DOLPP1: variants seen among roughly 807,000 people sequenced by gnomAD.
The protein encoded by DOLPP1 is dolichyldiphosphatase 1, also known as dolichyl pyrophosphate phosphatase 1.
DOLPP1 carries 15 observed loss-of-function variants against 34.1 expected under a neutral mutation model. The ratio of observed to expected loss-of-function variants is 0.44; its 90% CI spans 0.29 to 0.68. DOLPP1 has a LOEUF of 0.68. Ranked by LOEUF, DOLPP1 falls within the 30% of genes least tolerant of loss-of-function variation. The pLI is 0.12. For missense variants in DOLPP1, 249 were observed against 307.1 expected, an observed-to-expected ratio of 0.81 and a Z score of 1.41; for synonymous variants, 130 against 128.2, an observed-to-expected ratio of 1.01 and a Z score of -0.10.
Position 129,089,125 on chromosome 9 carries a change from A to G in DOLPP1, c.*118A>G. On this transcript the variant is annotated 3_prime_UTR_variant, in exon 8 of 8. Transcript: ENST00000372546. This position sits in a 1 kb window ranked among gnomAD's most constrained non-coding sequence, Gnocchi z 4.9. The stretch of plus-strand genomic sequence containing the variant: ...TCTACAGACCCAAGTCACCAAGTGG[A>G]GCCTTTTTTTTTCTTATTTTAATTT... 2.0e-6 allele frequency: 2 copies of G among 1,006,552 alleles called. No individual in the cohort carries two copies. The highest frequency in any genetic ancestry group is 1.5e-5 in the South Asian group (1 of 68,374). 62.4% of individuals were successfully genotyped at this position (1,006,552 alleles called of 1,614,324 possible).
Position 129,085,019 on chromosome 9 carries a change from G to T in DOLPP1, c.178-4G>T. 1 of 1,561,042 alleles carries T rather than the reference G, an allele frequency of 6.4e-7. No individual in the cohort carries two copies. The highest frequency in any genetic ancestry group is 1.2e-5 in the South Asian group (1 of 81,624). ...CCCAGCTGACCATGCGTCTTCCCCA[G>T]CAGATCTCCTTCCTTGGGGGCCTGG... On this transcript the variant is annotated splice_region_variant and splice_polypyrimidine_tract_variant and intron_variant, in intron 2 of 7. Coordinates refer to ENST00000372546, the MANE Select transcript of DOLPP1 (RefSeq NM_020438.5). The surrounding 1 kb of genome is among the most constrained non-coding windows in gnomAD (Gnocchi z 7.0).
At position 129,082,811 on chromosome 9, in the gene DOLPP1, G is replaced by C. The variant is rs148088314; in HGVS notation, c.76+1604G>C. On this transcript the variant is annotated intron_variant, in intron 1 of 7. Transcript: ENST00000372546. ...AGCCAGGCCCTGTGCTGGGCTTGGG[G>C]GATAGAGTGGGATATAAAGAGACCC... is the stretch of plus-strand genomic sequence containing the variant. Among the ~76,000 whole-genome samples, 112 of 152,290 alleles carry C rather than the reference G, an allele frequency of 7.4e-4. 3 individuals carry two copies. The East Asian group carries it at 0.017, about 23-fold the overall frequency.
intron 7 of DOLPP1, 38 bp from the exon 8 acceptor site, chr9:129,088,933 C>A: frequency 1.9e-6 from 3 of 1,611,454 alleles, no homozygotes; most frequent in Non-Finnish European, 2.5e-6. Flanking sequence ...CACTGAACAC[C>A]AGATGTCTCC....
Position 129,090,274 on chromosome 9 carries a change from C to G in DOLPP1, c.*1267C>G, listed in dbSNP as rs567122874. 21 of 152,700 alleles carry G rather than the reference C, an allele frequency of 1.4e-4. No individual in the cohort carries two copies. The highest frequency in any genetic ancestry group is 7.9e-4 in the Admixed American group (12 of 15,282). 9.5% of individuals were successfully genotyped at this position (152,700 alleles called of 1,614,324 possible). On this transcript the variant is annotated 3_prime_UTR_variant, in exon 8 of 8. Coordinates refer to ENST00000372546, the MANE Select transcript of DOLPP1 (RefSeq NM_020438.5). ...CAAAAGCCATTCCAGATGCCAAGAC[C>G]AGGGGCTTATTTCTAGGGAAGGTAG...
chr9:129,084,342 T>C (rs969452901), intron 1 of DOLPP1, among the ~76,000 whole-genome samples: 1 of 152,228 alleles, frequency 6.6e-6, no homozygotes, highest in African/African-American at 2.4e-5. Flanking sequence ...TTAGTCCTGG[T>C]CCCACCTCCT....
At position 129,081,152 on chromosome 9, in the gene DOLPP1, C is replaced by T; in HGVS notation, c.21C>T (p.Cys7=). The T allele has an allele frequency of 6.2e-7, 1 of 1,609,740 alleles. No individual in the cohort carries two copies. The change falls in exon 1 of 8, where the codon TGC becomes TGT. Residue 7 remains cysteine, a synonymous_variant. Transcript: ENST00000372546. MAADGQ[C]SLPASWRPVT... is the part of the protein sequence containing the mutation. The stretch of plus-strand genomic sequence containing the variant: ...GTAAGATGGCAGCGGACGGACAGTG[C>T]TCGCTCCCCGCTTCATGGCGGCCGG...
intron 2 of DOLPP1, 64 bp downstream of exon 2, chr9:129,084,832 G>A: frequency 2.8e-6 from 3 of 1,064,112 alleles, no homozygotes; most frequent in Non-Finnish European, 4.0e-6. Context: ...GCTTTGGGAA[G>A]CCCGTCCGCC....
At chr9:129,084,986 C>T in intron 2 of DOLPP1, 37 bp from the exon 3 acceptor site, 1 of 1,545,508 alleles carries the variant, frequency 6.5e-7, no homozygotes. Context: ...CCAACAGGTG[C>T]ACAGAGGCCC....
Position 129,085,664 on chromosome 9 carries a change from C to G in DOLPP1, c.461+48C>G, listed in dbSNP as rs7042563. On this transcript the variant is annotated intron_variant, in intron 5 of 7. Coordinates refer to ENST00000372546, the MANE Select transcript of DOLPP1 (RefSeq NM_020438.5). The surrounding 1 kb of genome is among the most constrained non-coding windows in gnomAD (Gnocchi z 7.0). Reference sequence around the variant, plus strand: ...GCCTGCACCCTGCCCATGTGGGGTCCTGCTGGTTCCTGGTCCCTGTCGGAC... The same window carrying G: ...GCCTGCACCCTGCCCATGTGGGGTCGTGCTGGTTCCTGGTCCCTGTCGGAC... The G allele has an allele frequency of 3.4e-6, 5 of 1,486,580 alleles. No individual in the cohort carries two copies. Among genetic ancestry groups the G allele is most frequent in the Non-Finnish European group, 4.6e-6 (5 of 1,083,116 alleles). 92.1% of individuals were successfully genotyped at this position (1,486,580 alleles called of 1,614,324 possible).
intron 1 of DOLPP1, among the ~76,000 whole-genome samples, chr9:129,083,698 T>G (rs999902483): frequency 6.6e-6 from 1 of 152,184 alleles, no homozygotes; most frequent in African/African-American, 2.4e-5. Flanking sequence ...GGGACCAAGC[T>G]GGGTGTCTCA....
rs1017575085 is a variant in DOLPP1 at position 129,090,098 on chromosome 9, C to T, written c.*1091C>T. On this transcript the variant is annotated 3_prime_UTR_variant, in exon 8 of 8. Coordinates refer to ENST00000372546, the MANE Select transcript of DOLPP1 (RefSeq NM_020438.5). ...AAAGGGAGTTGTGGAGAGGAGACGC[C>T]TCCAGACTCTCAGAAGTTTTGAGGA... 1 of 152,618 alleles carries T rather than the reference C, an allele frequency of 6.6e-6. No homozygotes were observed. The highest frequency in any genetic ancestry group is 1.5e-5 in the Non-Finnish European group (1 of 68,034). The allele number at this position is 152,618 out of a possible 1,614,324, so 9.5% of individuals were successfully genotyped here.
In DOLPP1 at chr9:129,083,574, C is replaced by T. The variant is rs993975724; in HGVS notation, c.77-1094C>T. 2.0e-5 allele frequency among the ~76,000 whole-genome samples: 3 copies of T among 152,314 alleles called. No homozygotes were observed. The Middle Eastern group carries it at 0.01, about 518-fold the overall frequency. ...TATGTCTTCAGCCCTGGAATCTGGGCTCAGCCCTCTGTGGACAACTTCCCT... is the reference window on the plus strand; with the variant it reads ...TATGTCTTCAGCCCTGGAATCTGGGTTCAGCCCTCTGTGGACAACTTCCCT... On this transcript the variant is annotated intron_variant, in intron 1 of 7. Transcript: ENST00000372546.
intron 1 of DOLPP1, among the ~76,000 whole-genome samples, chr9:129,082,292 G>T (rs1375948039): frequency 6.6e-6 from 1 of 152,158 alleles, no homozygotes; most frequent in Non-Finnish European, 1.5e-5. Context: ...TACTGGGGGT[G>T]GTATGGCCCT....
At position 129,086,129 on chromosome 9, in the gene DOLPP1, CT is replaced by C. The variant is rs771566425; in HGVS notation, c.462-8del. 3 of 1,612,500 alleles carry C rather than the reference CT, an allele frequency of 1.9e-6. No individual in the cohort carries two copies. The highest frequency in any genetic ancestry group is 1.7e-4 in the Middle Eastern group (1 of 6,042). ...GGCTCTCACATACTTCGCTTCTGGC[CT>C]TGGCCCAGGGTCTACCTGCTGTACC... On this transcript the variant is annotated splice_polypyrimidine_tract_variant and intron_variant, in intron 5 of 7. Transcript: ENST00000372546.
chr9:129,083,887 A>G (rs1006227647), intron 1 of DOLPP1, among the ~76,000 whole-genome samples: 6 of 152,154 alleles, frequency 3.9e-5, no homozygotes, highest in Admixed American at 2.0e-4. Flanking sequence ...GCCTGTCTCA[A>G]GTGGTGAGGG....
Position 129,085,316 on chromosome 9 carries a change from C to T in DOLPP1, c.362+10C>T, listed in dbSNP as rs2131416140. The T allele has an allele frequency of 6.2e-7, 1 of 1,611,744 alleles. No individual in the cohort carries two copies. Among genetic ancestry groups the T allele is most frequent in the Non-Finnish European group, 8.5e-7 (1 of 1,177,982 alleles). ...TTTTCCTGTATTTAAGGTGAGTTTCCACCCCGGTCAGGATGGCCCTGAACT... is the reference window on the plus strand; with the variant it reads ...TTTTCCTGTATTTAAGGTGAGTTTCTACCCCGGTCAGGATGGCCCTGAACT... On this transcript the variant is annotated intron_variant, in intron 4 of 7. Transcript: ENST00000372546. The surrounding 1 kb of genome is among the most constrained non-coding windows in gnomAD (Gnocchi z 7.0).
At chr9:129,084,869 G>A (rs1411896953) in intron 2 of DOLPP1, 101 bp downstream of exon 2, 19 of 1,211,570 alleles carry the variant, frequency 1.6e-5, no homozygotes, top group South Asian at 6.3e-5. Flanking sequence ...TCATCCCTGC[G>A]TCCACCTGTC....
At position 129,081,553 on chromosome 9, in the gene DOLPP1, T is replaced by A. The variant is rs144808483; in HGVS notation, c.76+346T>A. On this transcript the variant is annotated intron_variant, in intron 1 of 7. Transcript: ENST00000372546. Reference sequence around the variant, plus strand: ...TTGGCCCTTCTTCCCCGCCCTCCCCTGTCCCAGAGAGGCCGCACTCCTGTT... The same window carrying A: ...TTGGCCCTTCTTCCCCGCCCTCCCCAGTCCCAGAGAGGCCGCACTCCTGTT... Among the ~76,000 whole-genome samples the A allele has an allele frequency of 4.8e-3, 735 of 152,310 alleles. 6 individuals are homozygous for A. Among genetic ancestry groups the A allele is most frequent in the African/African-American group, 0.016 (679 of 41,584 alleles).
chr9:129,085,061 C>A lies in DOLPP1; in HGVS notation c.216C>A (p.Val72=). 1 of 1,589,390 alleles carries A rather than the reference C, an allele frequency of 6.3e-7. No homozygotes were observed. The highest frequency in any genetic ancestry group is 1.7e-5 in the Admixed American group (1 of 57,562). Residue 72 remains valine (V), a synonymous_variant, in exon 3 of 8, where the codon GTC becomes GTA. Coordinates refer to ENST00000372546, the MANE Select transcript of DOLPP1 (RefSeq NM_020438.5). The surrounding 1 kb of genome is among the most constrained non-coding windows in gnomAD (Gnocchi z 7.0). ...FLGGLALNEG[V]NWLIKNVIQE... ...GGGGCCTGGCACTGAACGAGGGGGT[C>A]AACTGGCTGATCAAAAACGTCATCC...
Sources: gnomAD v4.1 joint callset for allele counts (sites outside exome capture counted in the v4.1 genomes callset) on GRCh38, gnomAD v4.1.1 for gene constraint, Gnocchi (gnomAD v3.1) non-coding constraint, MANE v1.5 for transcripts, NCBI Gene and HGNC (gene_info 2026-07-23, HGNC 2026-07-21) for gene names.